The following FHIT variants were observed in gnomAD, a reference collection of about 807,000 sequenced individuals.
FHIT encodes the protein bis(5'-adenosyl)-triphosphatase.
In FHIT, 19 loss-of-function variants were observed where a neutral mutation model predicts 17.9. The ratio of observed to expected loss-of-function variants is 1.06; its 90% CI spans 0.74 to 1.56. The LOEUF is 1.56. FHIT is among the 40% of genes most tolerant of loss of function. The probability of loss-of-function intolerance (pLI) is 0.00; values close to 1 mark genes in which losing one functional copy is unlikely to be tolerated. For synonymous variants in FHIT, 81 were observed against 69.7 expected (o/e 1.16, Z -0.81); for missense variants, 248 against 189.2 (o/e 1.31, Z -1.82).
rs927541655 is a variant in FHIT at position 59,890,966 on chromosome 3, T to C, written c.348+31380A>G. ...CACTTTGAGAAGAGATGGCCCTAAG[T>C]TAATCAGCACACTGCATTAGGTGGC... On this transcript the variant is annotated intron_variant, in intron 8 of 9. Transcript: ENST00000492590. Among the ~76,000 whole-genome samples the C allele has an allele frequency of 2.0e-5, 3 of 152,188 alleles. No individual in the cohort carries two copies. The South Asian group carries it at 6.2e-4, about 32-fold the overall frequency.
intron 4 of FHIT, among the ~76,000 whole-genome samples, chr3:60,596,282 C>T (rs1445378354): frequency 2.0e-5 from 3 of 152,086 alleles, no homozygotes; most frequent in South Asian, 2.1e-4. Context: ...CAAGGTCATT[C>T]GAGCCCAAAC....
intron 5 of FHIT, among the ~76,000 whole-genome samples, chr3:60,240,058 T>C (rs557289731): frequency 1.3e-5 from 2 of 152,274 alleles, no homozygotes; most frequent in South Asian, 4.1e-4. Flanking sequence ...AAAAATTATA[T>C]AATACAATGT....
intron 3 of FHIT, among the ~76,000 whole-genome samples, chr3:60,924,317 CAG>C (rs1553769262): frequency 3.3e-5 from 5 of 152,184 alleles, no homozygotes; most frequent in Non-Finnish European, 7.3e-5. Flanking sequence ...CCAGTAGGGG[CAG>C]ACTGACACCT....
chr3:60,097,719 T>A (rs1051327494), intron 5 of FHIT, among the ~76,000 whole-genome samples: 3 of 151,954 alleles, frequency 2.0e-5, no homozygotes, highest in African/African-American at 7.2e-5. Flanking sequence ...TTTTAAAATT[T>A]TATTATTATT....
At chr3:60,636,549 GA>G (rs1169881161) in intron 4 of FHIT, among the ~76,000 whole-genome samples, 2 of 152,148 alleles carry the variant, frequency 1.3e-5, no homozygotes, top group African/African-American at 2.4e-5. Context: ...TGTAGTAAGA[GA>G]AAATAACGCA....
chr3:60,930,393 G>T (rs556034811), intron 3 of FHIT, among the ~76,000 whole-genome samples: 131 of 152,288 alleles, frequency 8.6e-4, no homozygotes, highest in African/African-American at 3.1e-3. Context: ...AAGAGCTTTT[G>T]CACAGCAAAA....
At chr3:59,829,092 CA>C (rs1352617968) in intron 8 of FHIT, among the ~76,000 whole-genome samples, 1 of 151,990 alleles carries the variant, frequency 6.6e-6, no homozygotes, top group Non-Finnish European at 1.5e-5. Flanking sequence ...CATTGGGTAC[CA>C]AAAGAAAGTC....
intron 5 of FHIT, among the ~76,000 whole-genome samples, chr3:60,065,964 C>T (rs920350157): frequency 1.3e-5 from 2 of 152,166 alleles, no homozygotes; most frequent in African/African-American, 4.8e-5. Context: ...CAGATTAAAA[C>T]AATCACTAAG....
At chr3:60,522,789 C>T (rs1295254703) in intron 5 of FHIT, among the ~76,000 whole-genome samples, 1 of 152,124 alleles carries the variant, frequency 6.6e-6, no homozygotes, top group African/African-American at 2.4e-5. Flanking sequence ...CCTATTTTTA[C>T]CTCAAGAATT....
At chr3:60,683,894 C>G (rs912196082) in intron 4 of FHIT, among the ~76,000 whole-genome samples, 3 of 152,086 alleles carry the variant, frequency 2.0e-5, no homozygotes, top group Non-Finnish European at 4.4e-5. Context: ...TAACATCAAA[C>G]AAGGGGTGTC....
At chr3:60,932,345 AC>A (rs1480237515) in intron 3 of FHIT, among the ~76,000 whole-genome samples, 3 of 151,482 alleles carry the variant, frequency 2.0e-5, no homozygotes, top group African/African-American at 7.3e-5. Flanking sequence ...TTCTCCACCC[AC>A]CTCTTCCTAT....
At chr3:60,453,558 G>A (rs1034089156) in intron 5 of FHIT, among the ~76,000 whole-genome samples, 15 of 152,148 alleles carry the variant, frequency 9.9e-5, no homozygotes, top group African/African-American at 2.9e-4. Flanking sequence ...AAAACATAAA[G>A]GCAGCTATGG....
intron 2 of FHIT, among the ~76,000 whole-genome samples, chr3:61,065,416 G>C (rs2034569937): frequency 6.6e-6 from 1 of 152,048 alleles, no homozygotes; most frequent in Admixed American, 6.6e-5. Flanking sequence ...TTTTGCATGT[G>C]AATTTCATAA....
chr3:60,633,869 G>T (rs1010849126), intron 4 of FHIT, among the ~76,000 whole-genome samples: 2 of 152,228 alleles, frequency 1.3e-5, no homozygotes, highest in Admixed American at 1.3e-4. Context: ...AGCTGCCAGG[G>T]AAAGGTTTCA....
At chr3:60,341,881 C>T (rs371527409) in intron 5 of FHIT, among the ~76,000 whole-genome samples, 2 of 152,264 alleles carry the variant, frequency 1.3e-5, no homozygotes, top group African/African-American at 4.8e-5. Flanking sequence ...AGTAATCTTG[C>T]AGAATTTTGT....
chr3:60,003,602 A>G (rs1439383472), intron 7 of FHIT, among the ~76,000 whole-genome samples: 1 of 152,072 alleles, frequency 6.6e-6, no homozygotes, highest in Non-Finnish European at 1.5e-5. Flanking sequence ...AATAATAGCT[A>G]GGCATGGTGG....
intron 7 of FHIT, among the ~76,000 whole-genome samples, chr3:59,967,085 A>C (rs1440960023): frequency 6.6e-6 from 1 of 152,088 alleles, no homozygotes; most frequent in East Asian, 1.9e-4. Flanking sequence ...GTCTAGGTCT[A>C]CACAAGGTCA....
chr3:60,782,882 C>T (rs1700440383), intron 4 of FHIT, among the ~76,000 whole-genome samples: 1 of 152,140 alleles, frequency 6.6e-6, no homozygotes, highest in Admixed American at 6.5e-5. Flanking sequence ...CTAGTTCCCC[C>T]AAGCCCTTTT....
chr3:60,953,965 C>G (rs1274196303), intron 3 of FHIT, among the ~76,000 whole-genome samples: 1 of 152,166 alleles, frequency 6.6e-6, no homozygotes, highest in East Asian at 1.9e-4. Flanking sequence ...GGATAAACAA[C>G]TAGAAATTAA....
Sources: allele counts gnomAD v4.1 joint callset (sites outside exome capture counted in the v4.1 genomes callset), GRCh38; gene constraint gnomAD v4.1.1; transcripts MANE v1.5; gene names NCBI Gene and HGNC (gene_info 2026-07-23, HGNC 2026-07-21).